KLHL1: variants seen among roughly 807,000 people sequenced by gnomAD.
KLHL1 encodes kelch like family member 1, also known as kelch-like protein 1.
Under a neutral mutation model 77.7 loss-of-function variants are expected in KLHL1, and 47 were observed. The observed-to-expected ratio is 0.60, with a 90% CI of 0.48 to 0.77. KLHL1 has a LOEUF of 0.77. Among genes scored for constraint, KLHL1 ranks in the 30% least tolerant of loss-of-function variants. The pLI is 0.00. For missense variants in KLHL1, 925 were observed against 910.8 expected (o/e 1.02, Z -0.20); for synonymous variants, 360 against 325.2 (o/e 1.11, Z -1.15).
chr13:69,869,773 G>A lies in KLHL1; in HGVS notation c.1227+12510C>T, dbSNP rs111439942. The stretch of plus-strand genomic sequence containing the variant: ...TGTGAGAAAATTTAACCTACTTGTG[G>A]TCCCATCACATGGCTCTCTTCCCTC... On this transcript the variant is annotated intron_variant, in intron 5 of 10. Transcript: ENST00000377844. Among the ~76,000 whole-genome samples, 1,164 of 152,180 alleles carry A rather than the reference G, an allele frequency of 7.6e-3. 5 individuals are homozygous for A. Among genetic ancestry groups the A allele is most frequent in the Non-Finnish European group, 0.011 (746 of 68,002 alleles).
chr13:69,981,784 G>A (rs1312595288), intron 1 of KLHL1, among the ~76,000 whole-genome samples: 1 of 149,984 alleles, frequency 6.7e-6, no homozygotes, highest in Non-Finnish European at 1.5e-5. Flanking sequence ...TTCAAAAAGT[G>A]CCCAAAATAA....
At position 69,997,092 on chromosome 13, in the gene KLHL1, A is replaced by C. The variant is rs143321594; in HGVS notation, c.498-21290T>G. Among the ~76,000 whole-genome samples the C allele has an allele frequency of 9.9e-3, 1,491 of 151,036 alleles. 25 individuals carry two copies. The highest frequency in any genetic ancestry group is 0.034 in the African/African-American group (1,405 of 41,204). ...AAAAATTAGCTGGATGTGGTGGCGC[A>C]TGTCTGTAGTTCCAGCTACTCTGGA... On this transcript the variant is annotated intron_variant, in intron 1 of 10. Transcript: ENST00000377844.
chr13:69,927,766 T>C (rs973497333), intron 4 of KLHL1, among the ~76,000 whole-genome samples: 4 of 152,200 alleles, frequency 2.6e-5, no homozygotes, highest in Non-Finnish European at 1.5e-5. Context: ...TTGGCAAGTA[T>C]GTAGTTCTTC....
At chr13:69,836,029 A>G (rs1468757457) in intron 6 of KLHL1, among the ~76,000 whole-genome samples, 1 of 152,110 alleles carries the variant, frequency 6.6e-6, no homozygotes, top group Non-Finnish European at 1.5e-5. Context: ...AGCTGTTTTA[A>G]GACATTAGAG....
intron 7 of KLHL1, among the ~76,000 whole-genome samples, chr13:69,758,112 G>T (rs1049725928): frequency 3.3e-5 from 5 of 151,918 alleles, no homozygotes; most frequent in African/African-American, 1.2e-4. Flanking sequence ...CAAAAAATCT[G>T]AGATAGCATG....
chr13:69,931,832 T>C (rs1382812894), intron 4 of KLHL1, among the ~76,000 whole-genome samples: 1 of 151,774 alleles, frequency 6.6e-6, no homozygotes, highest in African/African-American at 2.4e-5. Flanking sequence ...ATGTTACCTG[T>C]TAAAAAGTTT....
intron 1 of KLHL1, among the ~76,000 whole-genome samples, chr13:70,057,648 C>T (rs1206410561): frequency 2.7e-5 from 4 of 149,726 alleles, no homozygotes; most frequent in South Asian, 2.1e-4. Flanking sequence ...CGGTGGCGGG[C>T]GCCTGTAGTC....
At chr13:69,833,594 T>C (rs1878853453) in intron 6 of KLHL1, among the ~76,000 whole-genome samples, 1 of 151,810 alleles carries the variant, frequency 6.6e-6, no homozygotes. Context: ...TATCCAGCAA[T>C]CCCAATACTG....
At chr13:70,073,691 T>G (rs1256523818) in intron 1 of KLHL1, among the ~76,000 whole-genome samples, 1 of 152,056 alleles carries the variant, frequency 6.6e-6, no homozygotes, top group Non-Finnish European at 1.5e-5. Context: ...GTAGGAGGAT[T>G]GCTTGGGCCC....
intron 4 of KLHL1, among the ~76,000 whole-genome samples, chr13:69,896,947 G>A (rs1384359363): frequency 3.3e-5 from 5 of 152,024 alleles, no homozygotes; most frequent in Non-Finnish European, 7.4e-5. Context: ...CGGGATTACA[G>A]GTGTGAGCCA....
At chr13:69,939,591 A>C (rs1883302216) in intron 4 of KLHL1, among the ~76,000 whole-genome samples, 1 of 151,924 alleles carries the variant, frequency 6.6e-6, no homozygotes, top group Non-Finnish European at 1.5e-5. Context: ...AAATCAGTTT[A>C]AATAACTTTA....
At chr13:69,926,149 G>A (rs1484327897) in intron 4 of KLHL1, among the ~76,000 whole-genome samples, 1 of 152,052 alleles carries the variant, frequency 6.6e-6, no homozygotes, top group Middle Eastern at 3.2e-3. Context: ...CAGCTGTTCG[G>A]TTTGATTTAG....
intron 7 of KLHL1, among the ~76,000 whole-genome samples, chr13:69,753,003 G>T (rs1462652618): frequency 6.6e-6 from 1 of 152,112 alleles, no homozygotes; most frequent in African/African-American, 2.4e-5. Flanking sequence ...GGGTCTTCCT[G>T]AACTGGAGAC....
intron 6 of KLHL1, among the ~76,000 whole-genome samples, chr13:69,823,881 G>A: frequency 6.6e-6 from 1 of 151,838 alleles, no homozygotes; most frequent in Non-Finnish European, 1.5e-5. Flanking sequence ...TGACTCCAGT[G>A]TAATAGAGTA....
chr13:69,969,976 T>C (rs1199209886), intron 2 of KLHL1, among the ~76,000 whole-genome samples: 1 of 152,156 alleles, frequency 6.6e-6, no homozygotes, highest in Non-Finnish European at 1.5e-5. Context: ...GTGTTTGATA[T>C]TGTTAACCTC....
At chr13:69,797,440 A>G (rs1427311745) in intron 6 of KLHL1, among the ~76,000 whole-genome samples, 5 of 152,236 alleles carry the variant, frequency 3.3e-5, no homozygotes, top group African/African-American at 9.6e-5. Context: ...GCCTTAAATA[A>G]CTGAAGGTTT....
intron 6 of KLHL1, among the ~76,000 whole-genome samples, chr13:69,832,522 G>A (rs2138096732): frequency 6.7e-6 from 1 of 149,596 alleles, no homozygotes; most frequent in South Asian, 2.1e-4. Context: ...TAATCATACT[G>A]CCAAAAGCAA....
chr13:69,857,579 AC>A (rs1226011288), intron 5 of KLHL1, among the ~76,000 whole-genome samples: 1 of 152,052 alleles, frequency 6.6e-6, no homozygotes, highest in Non-Finnish European at 1.5e-5. Flanking sequence ...GTATCCCTAT[AC>A]TTGATTTAAG....
intron 2 of KLHL1, among the ~76,000 whole-genome samples, chr13:69,969,117 G>A (rs143746239): frequency 7.7e-4 from 117 of 151,984 alleles, no homozygotes; most frequent in African/African-American, 2.7e-3. Flanking sequence ...TACATATAAG[G>A]TAAGTGGAAG....
Sources: allele counts gnomAD v4.1 joint callset (sites outside exome capture counted in the v4.1 genomes callset), GRCh38; gene constraint gnomAD v4.1.1; transcripts MANE v1.5; gene names NCBI Gene and HGNC (gene_info 2026-07-23, HGNC 2026-07-21).